EPHA8: variants seen among roughly 807,000 people sequenced by gnomAD.
EPHA8 encodes EPH receptor A8.
A neutral mutation model predicts 103.6 loss-of-function variants in EPHA8; 58 were observed. That is an observed-to-expected ratio of 0.56 (90% CI 0.45 to 0.70). The LOEUF (loss-of-function observed/expected upper bound fraction) is 0.70. Among genes scored for constraint, EPHA8 ranks in the 30% least tolerant of loss-of-function variants. EPHA8 has a pLI of 0.00. For missense variants in EPHA8, 1,304 were observed against 1,395.2 expected (o/e 0.93, Z 1.04); for synonymous variants, 559 against 572.5 (o/e 0.98, Z 0.34).
rs557217944 is a variant in EPHA8, at chr1:22,586,539, C to A, written c.883C>A (p.Pro295Thr). Residue 295 changes from proline to threonine, a missense_variant, in exon 4 of 17, where the codon CCC (proline) becomes ACC (threonine). Coordinates refer to ENST00000166244, the MANE Select transcript of EPHA8 (RefSeq NM_020526.5). ...PGDQLCARCP[P>T]HSHSAAPAAQ... The stretch of plus-strand genomic sequence containing the variant: ...GGACCAGCTGTGTGCCCGCTGCCCT[C>A]CCCACAGCCACTCCGCAGCTCCAGC... 8.6e-5 allele frequency: 139 copies of A among 1,613,826 alleles called. No individual in the cohort carries two copies. The South Asian group carries it at 1.4e-3, about 17-fold the overall frequency.
At chr1:22,596,850 G>T (rs1296773993) in intron 9 of EPHA8, among the ~76,000 whole-genome samples, 7 of 151,846 alleles carry the variant, frequency 4.6e-5, no homozygotes, top group African/African-American at 1.5e-4. Context: ...GTAGAACGAG[G>T]TTTCACCATG....
intron 7 of EPHA8, 79 bp downstream of exon 7, chr1:22,593,765 G>T: frequency 1.3e-5 from 19 of 1,423,140 alleles, no homozygotes; most frequent in Non-Finnish European, 1.8e-5. Context: ...CGAGGAGAGA[G>T]CTAGTGCAGG....
At chr1:22,583,408 C>T (rs1318375970) in intron 3 of EPHA8, among the ~76,000 whole-genome samples, 1 of 152,250 alleles carries the variant, frequency 6.6e-6, no homozygotes, top group Non-Finnish European at 1.5e-5. Context: ...TGGTGAGCCA[C>T]AGCGGCGCAG....
rs148361941 is a variant in EPHA8, at chr1:22,575,033, C to T, written c.160-1184C>T. ...TAGTGCGATCTTGGCTCACTGCAAT[C>T]CCTGCCTCCCAAGTTCAAGTGATTC... On this transcript the variant is annotated intron_variant, in intron 2 of 16. Coordinates refer to ENST00000166244, the MANE Select transcript of EPHA8 (RefSeq NM_020526.5). Among the ~76,000 whole-genome samples, 981 of 152,282 alleles carry T rather than the reference C, an allele frequency of 6.4e-3. 8 individuals carry two copies. Among genetic ancestry groups the T allele is most frequent in the East Asian group, 0.025 (130 of 5,172 alleles).
intron 3 of EPHA8, among the ~76,000 whole-genome samples, chr1:22,583,507 C>T (rs1641103170): frequency 6.6e-6 from 1 of 152,166 alleles, no homozygotes; most frequent in Admixed American, 6.5e-5. Context: ...CATTCTGGCT[C>T]TGCTGGGAAC....
intron 3 of EPHA8, among the ~76,000 whole-genome samples, chr1:22,582,254 G>T (rs1433081566): frequency 1.3e-5 from 2 of 152,234 alleles, no homozygotes; most frequent in African/African-American, 4.8e-5. Flanking sequence ...GTTAAGGAGA[G>T]GAAGGGCGTG....
rs746264367 is a variant in EPHA8, at chr1:22,589,374, C to G, written c.1315+168C>G. 1 of 1,548,902 alleles carries G rather than the reference C, an allele frequency of 6.5e-7. No homozygotes were observed. The highest frequency in any genetic ancestry group is 2.3e-5 in the East Asian group (1 of 44,094). ...CCCAGAGCTGGAGGCTCTTCATTGC[C>G]TTTAGAAAAGTGGAACACATTCTAT... On this transcript the variant is annotated intron_variant, in intron 5 of 16. Coordinates refer to ENST00000166244, the MANE Select transcript of EPHA8 (RefSeq NM_020526.5). The surrounding 1 kb of genome is among the most constrained non-coding windows in gnomAD (Gnocchi z 4.3).
chr1:22,597,213 C>T lies in EPHA8; in HGVS notation c.1766-99C>T. On this transcript the variant is annotated intron_variant, in intron 9 of 16. Coordinates refer to ENST00000166244, the MANE Select transcript of EPHA8 (RefSeq NM_020526.5). This position sits in a 1 kb window ranked among gnomAD's most constrained non-coding sequence, Gnocchi z 4.6. ...TACCACATCCAGAGACTCCCAGAGA[C>T]ACCCCTCACCCCACCCCAGACCCAT... 1.0e-6 allele frequency: 1 copy of T among 994,958 alleles called. No homozygotes were observed. The highest frequency in any genetic ancestry group is 1.5e-6 in the Non-Finnish European group (1 of 689,538). The allele number at this position is 994,958 out of a possible 1,614,324, so 61.6% of individuals were successfully genotyped here.
At chr1:22,595,390 GC>G in intron 8 of EPHA8, 67 bp downstream of exon 8, 1 of 1,366,668 alleles carries the variant, frequency 7.3e-7, no homozygotes, top group African/African-American at 1.4e-5. Context: ...CCTGCCCCCA[GC>G]CCCACCGAGC....
intron 1 of EPHA8, among the ~76,000 whole-genome samples, chr1:22,566,520 A>G (rs1440831206): frequency 2.6e-5 from 4 of 152,162 alleles, no homozygotes; most frequent in Non-Finnish European, 5.9e-5. Flanking sequence ...AGATAGGCCT[A>G]GGAGGGATGC....
chr1:22,573,223 C>T (rs191615886), intron 2 of EPHA8, among the ~76,000 whole-genome samples: 3 of 152,284 alleles, frequency 2.0e-5, no homozygotes, highest in African/African-American at 7.2e-5. Flanking sequence ...GGAAATCCTC[C>T]CGCATGGTCC....
At position 22,576,924 on chromosome 1, in the gene EPHA8, C is replaced by T; in HGVS notation, c.823+44C>T. ...GGGCATGGGTCAGCCGGCAGCGGTGCTTGGTCTTGGCAGGGCTGCCAGGGT... is the reference window on the plus strand; with the variant it reads ...GGGCATGGGTCAGCCGGCAGCGGTGTTTGGTCTTGGCAGGGCTGCCAGGGT... On this transcript the variant is annotated intron_variant, in intron 3 of 16. Coordinates refer to ENST00000166244, the MANE Select transcript of EPHA8 (RefSeq NM_020526.5). This position sits in a 1 kb window ranked among gnomAD's most constrained non-coding sequence, Gnocchi z 4.8. 6.5e-7 allele frequency: 1 copy of T among 1,541,732 alleles called. No individual in the cohort carries two copies. Among genetic ancestry groups the T allele is most frequent in the Non-Finnish European group, 8.8e-7 (1 of 1,141,746 alleles).
chr1:22,574,633 T>C (rs1308444905), intron 2 of EPHA8, among the ~76,000 whole-genome samples: 3 of 152,212 alleles, frequency 2.0e-5, no homozygotes, highest in Non-Finnish European at 4.4e-5. Context: ...TCCTTCCCTT[T>C]TAAGGCTAAT....
In EPHA8 at chr1:22,601,314, C is replaced by T; in HGVS notation, c.2744C>T (p.Ala915Val). 1 of 1,601,224 alleles carries T rather than the reference C, an allele frequency of 6.2e-7. No individual in the cohort carries two copies. Among genetic ancestry groups the T allele is most frequent in the Admixed American group, 1.8e-5 (1 of 55,544 alleles). The change falls in exon 16 of 17, where the codon GCC becomes GTC. Residue 915 changes from alanine (A) to valine (V), a missense_variant. Coordinates refer to ENST00000166244, the MANE Select transcript of EPHA8 (RefSeq NM_020526.5). ...TATVSRCPPPAFVRSCFDLRG... is the reference protein window; with the variant it reads ...TATVSRCPPPVFVRSCFDLRG... ...CTGTGCCTCAGGTGCCCACCCCCTG[C>T]CTTCGTCCGGAGCTGCTTTGACCTC...
intron 3 of EPHA8, among the ~76,000 whole-genome samples, chr1:22,580,260 T>C (rs1470288986): frequency 1.4e-5 from 2 of 147,412 alleles, no homozygotes; most frequent in Non-Finnish European, 3.0e-5. Flanking sequence ...TGCCTCAGCC[T>C]CCCGAGTAGC....
At chr1:22,599,120 C>A (rs663002) in intron 13 of EPHA8, 73 bp downstream of exon 13, 342,569 of 1,483,504 alleles carry the variant, frequency 0.23, 40,176 homozygotes, top group African/African-American at 0.3. Context: ...AGGGCCCAAC[C>A]ATTCTGCAAG....
Position 22,567,146 on chromosome 1 carries a change from C to T in EPHA8, c.95-2143C>T, listed in dbSNP as rs1244588927. The stretch of plus-strand genomic sequence containing the variant: ...GGCGAGAATCCTAAGCAGTGGACAT[C>T]CACTTGAGTGGCTCCGGGATAGGGA... On this transcript the variant is annotated intron_variant, in intron 1 of 16. Transcript: ENST00000166244. This position sits in a 1 kb window ranked among gnomAD's most constrained non-coding sequence, Gnocchi z 4.2. Among the ~76,000 whole-genome samples, 3 of 152,162 alleles carry T rather than the reference C, an allele frequency of 2.0e-5. No homozygotes were observed. The highest frequency in any genetic ancestry group is 4.4e-5 in the Non-Finnish European group (3 of 68,028).
chr1:22,601,365 G>C lies in EPHA8; in HGVS notation c.2795G>C (p.Gly932Ala). Residue 932 changes from glycine to alanine, a missense_variant, in exon 16 of 17, where the codon GGC becomes GCC. Gly to Ala is a moderately conservative substitution (Grantham distance 60). Transcript: ENST00000166244. Reference protein sequence around the residue: ...DLRGGSGGGGGLTVGDWLDSI... With the variant: ...DLRGGSGGGGALTVGDWLDSI... ...CGAGGGGGCAGCGGTGGCGGTGGGG[G>C]CCTCACCGTGGGGGACTGGCTGGAC... is the stretch of plus-strand genomic sequence containing the variant. 6.2e-7 allele frequency: 1 copy of C among 1,609,444 alleles called. No individual in the cohort carries two copies. Among genetic ancestry groups the C allele is most frequent in the Non-Finnish European group, 8.5e-7 (1 of 1,179,072 alleles).
intron 2 of EPHA8, among the ~76,000 whole-genome samples, chr1:22,575,456 G>C (rs766145590): frequency 6.6e-6 from 1 of 151,974 alleles, no homozygotes; most frequent in Non-Finnish European, 1.5e-5. Flanking sequence ...TGTTGTTGTC[G>C]AGTTGTGGGA....
Sources: gnomAD v4.1 joint callset for allele counts (sites outside exome capture counted in the v4.1 genomes callset) on GRCh38, gnomAD v4.1.1 for gene constraint, Gnocchi (gnomAD v3.1) non-coding constraint, MANE v1.5 for transcripts, NCBI Gene and HGNC (gene_info 2026-07-23, HGNC 2026-07-21) for gene names.